TMEM156: variants seen among roughly 807,000 people sequenced by gnomAD.
The protein encoded by TMEM156 is transmembrane protein 156.
TMEM156 carries 28 observed loss-of-function variants against 30.5 expected under a neutral mutation model. That is an observed-to-expected ratio of 0.92 (90% CI 0.68 to 1.26). The LOEUF (loss-of-function observed/expected upper bound fraction) is 1.26, where lower values mean the gene tolerates loss of function less well. Among genes scored for constraint, TMEM156 ranks in the 50% most tolerant of loss-of-function variants. The probability of loss-of-function intolerance (pLI) is 0.00; values close to 1 mark genes in which losing one functional copy is unlikely to be tolerated. For synonymous variants in TMEM156, 137 were observed against 119.9 expected, an observed-to-expected ratio of 1.14 and a Z score of -0.93; for missense variants, 351 against 340.6, an observed-to-expected ratio of 1.03 and a Z score of -0.24.
chr4:38,974,338 G>A (rs971274654), intron 5 of TMEM156, among the ~76,000 whole-genome samples: 1 of 151,618 alleles, frequency 6.6e-6, no homozygotes, highest in Non-Finnish European at 1.5e-5. Flanking sequence ...GCAAAGCCCT[G>A]AGATTACAGG....
intron 1 of TMEM156, among the ~76,000 whole-genome samples, chr4:39,004,955 T>C (rs552046009): frequency 2.0e-5 from 3 of 152,320 alleles, no homozygotes; most frequent in South Asian, 2.1e-4. Context: ...TTCTTACTTA[T>C]AATAGCCAAG....
rs148192136 is a variant in TMEM156 at position 38,995,609 on chromosome 4, G to A, written c.359-1611C>T. Among the ~76,000 whole-genome samples the A allele has an allele frequency of 6.2e-3, 940 of 152,296 alleles. 6 individuals are homozygous for A. Among genetic ancestry groups the A allele is most frequent in the African/African-American group, 0.021 (876 of 41,554 alleles). ...GCACGCCTATAATCCCAGCTACTCC[G>A]GAGGCTGAAGCAGGAAAATCACTTG... On this transcript the variant is annotated intron_variant, in intron 2 of 6. Transcript: ENST00000381938.
chr4:38,995,776 G>A (rs1395278334), intron 2 of TMEM156, among the ~76,000 whole-genome samples: 1 of 152,146 alleles, frequency 6.6e-6, no homozygotes, highest in Non-Finnish European at 1.5e-5. Context: ...TTTGTGATTT[G>A]CTTATAACCA....
At chr4:38,993,291 T>C (rs1398398986) in intron 3 of TMEM156, among the ~76,000 whole-genome samples, 5 of 151,508 alleles carry the variant, frequency 3.3e-5, no homozygotes, top group African/African-American at 1.2e-4. Flanking sequence ...ATTAACCAGG[T>C]GTGGTGGTGC....
chr4:38,971,091 A>G lies in TMEM156; in HGVS notation c.870T>C (p.Leu290=), dbSNP rs372933266. The G allele has an allele frequency of 8.1e-6, 13 of 1,613,998 alleles. No individual in the cohort carries two copies. Among genetic ancestry groups the G allele is most frequent in the Non-Finnish European group, 1.1e-5 (13 of 1,179,898 alleles). The change falls in exon 6 of 7, where the codon CTT becomes CTC. Residue 290 remains leucine (L), a synonymous_variant. Coordinates refer to ENST00000381938, the MANE Select transcript of TMEM156 (RefSeq NM_024943.3). ...TAACTTATAGTTCTGGAATTGGGGG[A>G]AGCACTTCCTGGACTTGATCCAAAG... is the stretch of plus-strand genomic sequence containing the variant. ...RLPLDQVQEV[L]PPIPEL
chr4:39,000,650 G>A (rs11727646), intron 1 of TMEM156, among the ~76,000 whole-genome samples: 19,156 of 152,136 alleles, frequency 0.13, 1,291 homozygotes, highest in East Asian at 0.21. Context: ...ACTTTGGGAG[G>A]CTGAGGCAGT....
chr4:38,989,774 TTTTA>T (rs1318382540), intron 3 of TMEM156, among the ~76,000 whole-genome samples: 1 of 118,232 alleles, frequency 8.5e-6, no homozygotes, highest in East Asian at 3.0e-4. Flanking sequence ...TCATTTTTTA[TTTTA>T]TTTTATTTTA....
chr4:39,009,861 C>A (rs1467013883), intron 1 of TMEM156, among the ~76,000 whole-genome samples: 1 of 152,112 alleles, frequency 6.6e-6, no homozygotes, highest in Non-Finnish European at 1.5e-5. Context: ...CAACTCTCAC[C>A]ATTCTTATTC....
In TMEM156 at chr4:38,998,640, C is replaced by G; in HGVS notation, c.358G>C (p.Val120Leu). Reference protein sequence around the residue: ...DFISQEQTSKVLIRRGSMEVK... With the variant: ...DFISQEQTSKLLIRRGSMEVK... ...ATTCTCACCTTCACTTTGTGTTTAC[C>G]TTTTGATGTTTGTTCCTGAGAAATA... Residue 120 changes from valine to leucine, a missense_variant and splice_region_variant, in exon 2 of 7, where the codon GTT becomes CTT. Physicochemically the swap from Val to Leu is conservative, Grantham distance 32. Coordinates refer to ENST00000381938, the MANE Select transcript of TMEM156 (RefSeq NM_024943.3). The G allele has an allele frequency of 3.7e-6, 6 of 1,607,304 alleles. No homozygotes were observed. Among genetic ancestry groups the G allele is most frequent in the Non-Finnish European group, 5.1e-6 (6 of 1,176,306 alleles).
rs529142269 is a variant in TMEM156 at position 39,032,248 on chromosome 4, C to T, written c.66G>A (p.Pro22=). ...CACCTTTCGGTGTCTTGAAATATTC[C>T]GGCAAAATTAAAATGAATGTGATCA... is the stretch of plus-strand genomic sequence containing the variant. ...AIVITFILIL[P]EYFKTPKERT... is the part of the protein sequence containing the mutation. The change falls in exon 1 of 7, where the codon CCG becomes CCA. Residue 22 remains proline, a synonymous_variant. Transcript: ENST00000381938. 1.4e-5 allele frequency: 23 copies of T among 1,607,520 alleles called. No homozygotes were observed. Among genetic ancestry groups the T allele is most frequent in the East Asian group, 1.1e-4 (5 of 44,766 alleles).
At chr4:38,973,688 T>C (rs185030504) in intron 5 of TMEM156, among the ~76,000 whole-genome samples, 292 of 152,326 alleles carry the variant, frequency 1.9e-3, no homozygotes, top group African/African-American at 6.5e-3. Context: ...GTATTTCTGA[T>C]CACTTAACTA....
intron 5 of TMEM156, among the ~76,000 whole-genome samples, chr4:38,985,540 G>C (rs1028910425): frequency 6.6e-6 from 1 of 152,186 alleles, no homozygotes; most frequent in African/African-American, 2.4e-5. Context: ...CTGGAGGTTT[G>C]CTCGGCATCC....
rs60171264 is a variant in TMEM156, at chr4:38,990,886, T to A, written c.620-1916A>T. On this transcript the variant is annotated intron_variant, in intron 3 of 6. Transcript: ENST00000381938. ...AGTCTCACTGTCACCCAGGCTGGAGTGCGGTGGTGCGATCTCGGCTCACTG... is the reference window on the plus strand; with the variant it reads ...AGTCTCACTGTCACCCAGGCTGGAGAGCGGTGGTGCGATCTCGGCTCACTG... Among the ~76,000 whole-genome samples the A allele has an allele frequency of 8.4e-3, 1,063 of 126,700 alleles. 18 individuals carry two copies. The highest frequency in any genetic ancestry group is 0.031 in the African/African-American group (1,009 of 32,726). The allele number at this position is 126,700 out of a possible 152,430, so 83.1% of individuals were successfully genotyped here.
chr4:39,019,026 AACAAAAC>A (rs149051927), intron 1 of TMEM156, among the ~76,000 whole-genome samples: 55,158 of 110,914 alleles, frequency 0.5, 11,057 homozygotes, highest in Admixed American at 0.56. Context: ...ATCTTAAAAA[AACAAAAC>A]AAAAAAAAAA....
intron 3 of TMEM156, among the ~76,000 whole-genome samples, chr4:38,992,444 C>G (rs1367531455): frequency 3.3e-5 from 5 of 151,726 alleles, no homozygotes; most frequent in Non-Finnish European, 5.9e-5. Context: ...AATAGGGTAA[C>G]TAGGAAGTTA....
intron 5 of TMEM156, among the ~76,000 whole-genome samples, chr4:38,971,930 C>G (rs1022048268): frequency 1.3e-5 from 2 of 152,004 alleles, no homozygotes; most frequent in Admixed American, 1.3e-4. Flanking sequence ...GCTGGGATTA[C>G]AGGCATGCAC....
chr4:39,009,473 A>C (rs1159152921), intron 1 of TMEM156, among the ~76,000 whole-genome samples: 1 of 152,208 alleles, frequency 6.6e-6, no homozygotes, highest in East Asian at 1.9e-4. Flanking sequence ...AATTTCCTTG[A>C]TGAACATAGA....
chr4:38,989,954 C>A (rs927442734), intron 3 of TMEM156, among the ~76,000 whole-genome samples: 1 of 152,060 alleles, frequency 6.6e-6, no homozygotes, highest in Non-Finnish European at 1.5e-5. Flanking sequence ...CCACCACGCC[C>A]GGCTAATTTT....
chr4:38,995,187 A>T (rs1712842236), intron 2 of TMEM156, among the ~76,000 whole-genome samples: 2 of 152,128 alleles, frequency 1.3e-5, no homozygotes, highest in South Asian at 4.1e-4. Flanking sequence ...TAAGAATATC[A>T]GTCATATTGG....
Sources: gnomAD v4.1 joint callset for allele counts (sites outside exome capture counted in the v4.1 genomes callset) on GRCh38, gnomAD v4.1.1 for gene constraint, MANE v1.5 for transcripts, NCBI Gene and HGNC (gene_info 2026-07-23, HGNC 2026-07-21) for gene names.